CSMD1: variants seen among roughly 807,000 people sequenced by gnomAD.
The protein encoded by CSMD1 is CUB and Sushi multiple domains 1, also known as CUB and sushi domain-containing protein 1.
Under a neutral mutation model 417.5 loss-of-function variants are expected in CSMD1, and 213 were observed. The ratio of observed to expected loss-of-function variants is 0.51; its 90% CI spans 0.46 to 0.57. The LOEUF (loss-of-function observed/expected upper bound fraction) is 0.57. Ranked by LOEUF, CSMD1 falls within the 20% of genes least tolerant of loss-of-function variation. The probability of loss-of-function intolerance (pLI) is 0.00; values close to 1 mark genes in which losing one functional copy is unlikely to be tolerated. For missense variants in CSMD1, 6,923 were observed against 4,529.7 expected (o/e 1.53, Z -15.17); for synonymous variants, 2,862 against 1,736.8 (o/e 1.65, Z -16.11).
In CSMD1 at chr8:4,183,250, C is replaced by T. The variant is rs370403363; in HGVS notation, c.416-151151G>A. 4.7e-3 allele frequency among the ~76,000 whole-genome samples: 715 copies of T among 152,192 alleles called. 12 individuals are homozygous for T. The highest frequency in any genetic ancestry group is 0.016 in the African/African-American group (668 of 41,512). The stretch of plus-strand genomic sequence containing the variant: ...AGAAGATCATCTCTAAGAAAATTTG[C>T]AGTAGACTGAAAATTTAATTCTGTA... On this transcript the variant is annotated intron_variant, in intron 3 of 69. Coordinates refer to ENST00000635120, the MANE Select transcript of CSMD1 (RefSeq NM_033225.6).
intron 2 of CSMD1, among the ~76,000 whole-genome samples, chr8:4,464,300 T>C (rs1219951645): frequency 1.3e-5 from 2 of 151,978 alleles, no homozygotes; most frequent in South Asian, 2.1e-4. Flanking sequence ...ATGCATGCAA[T>C]GGACAGACGC....
chr8:4,638,808 G>T (rs1235060929), intron 1 of CSMD1, among the ~76,000 whole-genome samples: 2 of 152,188 alleles, frequency 1.3e-5, no homozygotes, highest in Non-Finnish European at 2.9e-5. Context: ...GCAATTGAGT[G>T]CCACAAAGCC....
At chr8:3,620,477 T>C (rs914326184) in intron 7 of CSMD1, among the ~76,000 whole-genome samples, 1 of 152,196 alleles carries the variant, frequency 6.6e-6, no homozygotes, top group Non-Finnish European at 1.5e-5. Context: ...TTTACGCTAA[T>C]AGTTACATTA....
intron 2 of CSMD1, among the ~76,000 whole-genome samples, chr8:4,448,363 G>C (rs929609383): frequency 6.6e-6 from 1 of 152,136 alleles, no homozygotes; most frequent in Non-Finnish European, 1.5e-5. Flanking sequence ...TCAATTAACA[G>C]GGAATAAAAC....
At chr8:4,442,178 A>C (rs1027460253) in intron 2 of CSMD1, among the ~76,000 whole-genome samples, 3 of 152,206 alleles carry the variant, frequency 2.0e-5, no homozygotes, top group East Asian at 3.8e-4. Context: ...AATGCAGGCA[A>C]AGTGACAATC....
At chr8:3,127,293 A>G (rs1343782776) in intron 41 of CSMD1, 2 of 152,172 alleles carry the variant, frequency 1.3e-5, no homozygotes, top group African/African-American at 2.4e-5. Flanking sequence ...ACGGGTAAAA[A>G]CAGAGACTGA....
rs983632968 is a variant in CSMD1 at position 3,401,106 on chromosome 8, C to G, written c.2267-1577G>C. 3.3e-5 allele frequency among the ~76,000 whole-genome samples: 5 copies of G among 151,750 alleles called. No homozygotes were observed. In the East Asian group the frequency reaches 7.7e-4, roughly 24 times the overall value. ...AATGCAACACATTCTTTTATGAATACAACATAAGCAAAATTAAATATGTTA... is the reference window on the plus strand; with the variant it reads ...AATGCAACACATTCTTTTATGAATAGAACATAAGCAAAATTAAATATGTTA... On this transcript the variant is annotated intron_variant, in intron 15 of 69. Coordinates refer to ENST00000635120, the MANE Select transcript of CSMD1 (RefSeq NM_033225.6).
At chr8:4,475,493 T>A (rs1206741505) in intron 2 of CSMD1, among the ~76,000 whole-genome samples, 1 of 152,246 alleles carries the variant, frequency 6.6e-6, no homozygotes, top group East Asian at 1.9e-4. Context: ...CCCAGAATTG[T>A]GTTTTTTAGA....
intron 10 of CSMD1, among the ~76,000 whole-genome samples, chr8:3,503,513 A>G (rs1796693872): frequency 6.6e-6 from 1 of 152,236 alleles, no homozygotes; most frequent in African/African-American, 2.4e-5. Context: ...GAAACTTGGT[A>G]TTTCATGCTA....
intron 1 of CSMD1, among the ~76,000 whole-genome samples, chr8:4,924,967 T>C (rs1397885180): frequency 6.6e-6 from 1 of 152,092 alleles, no homozygotes; most frequent in African/African-American, 2.4e-5. Context: ...AATCTTTGCA[T>C]CCACCATGGT....
At chr8:3,657,978 T>C (rs146639459) in intron 7 of CSMD1, among the ~76,000 whole-genome samples, 198 of 152,334 alleles carry the variant, frequency 1.3e-3, no homozygotes, top group African/African-American at 4.5e-3. Context: ...ATACATCAAA[T>C]ATATTCTATA....
chr8:4,007,479 C>T (rs1246673096), intron 4 of CSMD1, among the ~76,000 whole-genome samples: 9 of 152,262 alleles, frequency 5.9e-5, no homozygotes, highest in Admixed American at 2.0e-4. Context: ...CCTCACAAGG[C>T]ACTTTCCTGC....
chr8:4,643,999 C>T (rs1233114220), intron 1 of CSMD1, among the ~76,000 whole-genome samples: 1 of 152,170 alleles, frequency 6.6e-6, no homozygotes. Flanking sequence ...TACTCCCAAA[C>T]ACTTATGGGA....
intron 24 of CSMD1, 27 bp from the exon 25 acceptor site, chr8:3,307,848 C>CG (rs757325251): frequency 6.2e-7 from 1 of 1,603,554 alleles, no homozygotes; most frequent in Non-Finnish European, 8.5e-7. Flanking sequence ...GAGATGGGAA[C>CG]GTTCAGCTTC....
rs1248996239 is a variant in CSMD1 at position 3,910,351 on chromosome 8, G to A, written c.818+87552C>T. On this transcript the variant is annotated intron_variant, in intron 5 of 69. Transcript: ENST00000635120. ...CTGCAAACTGACGACAGGGTGGCAG[G>A]TGCACCGAGGCCACAGAATGCACCA... is the stretch of plus-strand genomic sequence containing the variant. Among the ~76,000 whole-genome samples, 5 of 152,246 alleles carry A rather than the reference G, an allele frequency of 3.3e-5. 1 individual carries two copies. Among genetic ancestry groups the A allele is most frequent in the Admixed American group, 2.0e-4 (3 of 15,294 alleles).
chr8:3,644,966 G>GAAAAAAAAAAAAAA (rs71203456), intron 7 of CSMD1, among the ~76,000 whole-genome samples: 9 of 64,522 alleles, frequency 1.4e-4, no homozygotes, highest in African/African-American at 4.0e-4. Flanking sequence ...GGCTTTAAAT[G>GAAAAAAAAAAAAAA]AAAAAAAAAA....
In CSMD1 at chr8:4,458,054, CT is replaced by C. The variant is rs142057480; in HGVS notation, c.303-37990del. On this transcript the variant is annotated intron_variant, in intron 2 of 69. Coordinates refer to ENST00000635120, the MANE Select transcript of CSMD1 (RefSeq NM_033225.6). Reference sequence around the variant, plus strand: ...CTATTCTTTAAAATTCCTTTTACCCCTGAGGTACACAATCCTTCATGTTTTT... The same window carrying C: ...CTATTCTTTAAAATTCCTTTTACCCCGAGGTACACAATCCTTCATGTTTTT... Among the ~76,000 whole-genome samples the C allele has an allele frequency of 8.0e-3, 1,218 of 152,260 alleles. 14 individuals carry two copies. The highest frequency in any genetic ancestry group is 0.028 in the African/African-American group (1,156 of 41,546).
rs143886140 is a variant in CSMD1 at position 4,833,900 on chromosome 8, T to G, written c.85+160432A>C. Among the ~76,000 whole-genome samples the G allele has an allele frequency of 2.0e-5, 3 of 152,326 alleles. No individual in the cohort carries two copies. The East Asian group carries it at 5.8e-4, about 29-fold the overall frequency. ...TAAATAACAAACCGTACATGTCACT[T>G]GGATTGGTGTTCACCACCCACCTCC... On this transcript the variant is annotated intron_variant, in intron 1 of 69. Coordinates refer to ENST00000635120, the MANE Select transcript of CSMD1 (RefSeq NM_033225.6).
At chr8:4,215,990 G>C (rs1186189410) in intron 3 of CSMD1, among the ~76,000 whole-genome samples, 1 of 152,100 alleles carries the variant, frequency 6.6e-6, no homozygotes, top group Admixed American at 6.6e-5. Flanking sequence ...CTCAGAGAGT[G>C]GTGCCCATTT....
Sources: allele counts gnomAD v4.1 joint callset (sites outside exome capture counted in the v4.1 genomes callset), GRCh38; gene constraint gnomAD v4.1.1; transcripts MANE v1.5; gene names NCBI Gene and HGNC (gene_info 2026-07-23, HGNC 2026-07-21).